The following SYT1 variants were observed in gnomAD, a reference collection of about 807,000 sequenced individuals.
SYT1 encodes synaptotagmin-1.
A neutral mutation model predicts 44.8 loss-of-function variants in SYT1; 8 were observed. The observed-to-expected ratio is 0.18, with a 90% confidence interval of 0.10 to 0.32. The LOEUF (loss-of-function observed/expected upper bound fraction) is 0.32. Ranked by LOEUF, SYT1 falls within the 10% of genes least tolerant of loss-of-function variation. The pLI, the probability that SYT1 is intolerant of heterozygous loss-of-function variation, is 1.00. For synonymous variants in SYT1, 154 were observed against 188.8 expected, an observed-to-expected ratio of 0.82 and a Z score of 1.51; for missense variants, 286 against 509.3, an observed-to-expected ratio of 0.56 and a Z score of 4.22.
At chr12:78,952,615 C>T (rs1879024014) in intron 1 of SYT1, among the ~76,000 whole-genome samples, 1 of 152,096 alleles carries the variant, frequency 6.6e-6, no homozygotes, top group Non-Finnish European at 1.5e-5. Context: ...TGGAATATTC[C>T]TAGACTACAG....
intron 9 of SYT1, among the ~76,000 whole-genome samples, chr12:79,439,773 A>G (rs139183910): frequency 9.4e-4 from 143 of 152,312 alleles, no homozygotes; most frequent in Non-Finnish European, 1.7e-3. Context: ...CTTCTCCAAG[A>G]CCACACAGCT....
At chr12:79,102,746 G>T (rs939475761) in intron 3 of SYT1, among the ~76,000 whole-genome samples, 1 of 152,056 alleles carries the variant, frequency 6.6e-6, no homozygotes, top group African/African-American at 2.4e-5. Flanking sequence ...TGATATTTGT[G>T]GTATAGATAA....
At chr12:79,410,506 C>CAAAAAAAAAAAAAAAAAAAAACAAAAAG (rs1868372168) in intron 9 of SYT1, among the ~76,000 whole-genome samples, 1 of 75,916 alleles carries the variant, frequency 1.3e-5, no homozygotes. Flanking sequence ...TGTTCAAAGT[C>CAAAAAAAAAAAAAAAAAAAAACAAAAAG]AAAAAAAAAA....
rs147083890 is a variant in SYT1 at position 78,967,222 on chromosome 12, G to A, written c.-216-10577G>A. Among the ~76,000 whole-genome samples the A allele has an allele frequency of 4.3e-3, 654 of 152,172 alleles. 6 individuals are homozygous for A. Among genetic ancestry groups the A allele is most frequent in the African/African-American group, 0.015 (604 of 41,534 alleles). On this transcript the variant is annotated intron_variant, in intron 1 of 10. Transcript: ENST00000261205. ...GCCCTTGAGGAATTAATAATCTGAC[G>A]GCAAAAGCTGACATGTATACAATCA...
intron 3 of SYT1, among the ~76,000 whole-genome samples, chr12:79,056,265 GA>G (rs1874934702): frequency 6.6e-6 from 1 of 152,038 alleles, no homozygotes. Flanking sequence ...AAGAAAAGGA[GA>G]AAAGTCTGGT....
intron 1 of SYT1, among the ~76,000 whole-genome samples, chr12:78,877,614 G>A (rs967360147): frequency 4.0e-5 from 6 of 151,634 alleles, no homozygotes; most frequent in African/African-American, 1.5e-4. Flanking sequence ...CATTAAATAA[G>A]TACTGGTCAT....
intron 8 of SYT1, among the ~76,000 whole-genome samples, chr12:79,306,386 T>C (rs1880400623): frequency 6.6e-6 from 1 of 152,254 alleles, no homozygotes; most frequent in Non-Finnish European, 1.5e-5. Flanking sequence ...GATTTGTCTT[T>C]GCTTTGAAAA....
At chr12:79,413,000 A>G (rs1172562584) in intron 9 of SYT1, among the ~76,000 whole-genome samples, 1 of 152,112 alleles carries the variant, frequency 6.6e-6, no homozygotes, top group African/African-American at 2.4e-5. Context: ...ATATGAGAGG[A>G]GAGAAAGAAG....
intron 1 of SYT1, among the ~76,000 whole-genome samples, chr12:78,877,111 G>A (rs1025202822): frequency 6.7e-6 from 1 of 149,458 alleles, no homozygotes; most frequent in Admixed American, 6.8e-5. Context: ...CTGTTCTCAC[G>A]CTGCTAATAA....
chr12:79,339,931 C>T (rs931120256), intron 8 of SYT1, among the ~76,000 whole-genome samples: 2 of 152,176 alleles, frequency 1.3e-5, no homozygotes, highest in Non-Finnish European at 2.9e-5. Context: ...ATAGGGAATC[C>T]TTTCCCCATT....
intron 4 of SYT1, among the ~76,000 whole-genome samples, chr12:79,282,016 T>C (rs1258550632): frequency 2.6e-5 from 4 of 152,300 alleles, no homozygotes; most frequent in African/African-American, 9.6e-5. Context: ...GGTCCCTTTC[T>C]TTATCTACAA....
At chr12:78,892,598 A>G (rs1479600674) in intron 1 of SYT1, among the ~76,000 whole-genome samples, 2 of 151,758 alleles carry the variant, frequency 1.3e-5, no homozygotes, top group East Asian at 3.9e-4. Context: ...GAAGACTTCA[A>G]TCTTCCATAG....
chr12:79,342,498 G>A (rs1034922852), intron 8 of SYT1, among the ~76,000 whole-genome samples: 3 of 152,156 alleles, frequency 2.0e-5, no homozygotes, highest in African/African-American at 2.4e-5. Flanking sequence ...CCCAAAGTGC[G>A]GGGATTATAG....
At chr12:79,290,468 TG>T (rs919835612) in intron 5 of SYT1, among the ~76,000 whole-genome samples, 5 of 152,222 alleles carry the variant, frequency 3.3e-5, no homozygotes, top group African/African-American at 1.2e-4. Context: ...GTCTTGGATG[TG>T]GGGGTAGCAG....
intron 3 of SYT1, among the ~76,000 whole-genome samples, chr12:79,190,173 T>G (rs1873027799): frequency 6.6e-6 from 1 of 152,184 alleles, no homozygotes; most frequent in South Asian, 2.1e-4. Flanking sequence ...ATATTTCTTC[T>G]TTTCCGAACT....
At chr12:78,997,174 C>T (rs985118809) in intron 2 of SYT1, among the ~76,000 whole-genome samples, 1 of 152,164 alleles carries the variant, frequency 6.6e-6, no homozygotes, top group Non-Finnish European at 1.5e-5. Flanking sequence ...GGATAAGAGG[C>T]TCATCCTATA....
At chr12:78,930,282 A>G (rs762880017) in intron 1 of SYT1, among the ~76,000 whole-genome samples, 2 of 152,140 alleles carry the variant, frequency 1.3e-5, no homozygotes, top group Non-Finnish European at 2.9e-5. Flanking sequence ...ATAAATACAC[A>G]CAATTATTAA....
intron 9 of SYT1, among the ~76,000 whole-genome samples, chr12:79,354,698 G>GT (rs1883043143): frequency 6.6e-6 from 1 of 152,158 alleles, no homozygotes; most frequent in Non-Finnish European, 1.5e-5. Context: ...GCCTAGCAGT[G>GT]TAACACAGCA....
At chr12:79,191,410 T>A (rs1456536629) in intron 3 of SYT1, among the ~76,000 whole-genome samples, 1 of 152,084 alleles carries the variant, frequency 6.6e-6, no homozygotes, top group Non-Finnish European at 1.5e-5. Flanking sequence ...CACATGAAAT[T>A]TTTTTAGTGA....
Sources: gnomAD v4.1 joint callset for allele counts (sites outside exome capture counted in the v4.1 genomes callset) on GRCh38, gnomAD v4.1.1 for gene constraint, MANE v1.5 for transcripts, NCBI Gene and HGNC (gene_info 2026-07-23, HGNC 2026-07-21) for gene names.